Variants in EYS observed in about 807,000 individuals in gnomAD.
EYS encodes protein eyes shut homolog.
A neutral mutation model predicts 282.1 loss-of-function variants in EYS; 250 were observed. The observed-to-expected ratio is 0.89, with a 90% CI of 0.80 to 0.98. The LOEUF (loss-of-function observed/expected upper bound fraction) is 0.98. EYS is among the 50% of genes least tolerant of loss of function. EYS has a pLI of 0.00. For synonymous variants in EYS, 1,355 were observed against 1,282.9 expected, an observed-to-expected ratio of 1.06 and a Z score of -1.20; for missense variants, 4,016 against 3,709.0, an observed-to-expected ratio of 1.08 and a Z score of -2.15.
chr6:65,618,456 C>T (rs1308242198), intron 2 of EYS, among the ~76,000 whole-genome samples: 1 of 152,174 alleles, frequency 6.6e-6, no homozygotes, highest in South Asian at 2.1e-4. Context: ...GATATTAGCC[C>T]TTTGTCAGAT....
intron 35 of EYS, among the ~76,000 whole-genome samples, chr6:63,973,732 T>A (rs1766700272): frequency 6.6e-6 from 1 of 152,186 alleles, no homozygotes; most frequent in Non-Finnish European, 1.5e-5. Context: ...TGGACGGTAC[T>A]TGCTTAAAGC....
At chr6:64,447,902 G>T (rs1775170002) in intron 26 of EYS, among the ~76,000 whole-genome samples, 1 of 152,142 alleles carries the variant, frequency 6.6e-6, no homozygotes, top group South Asian at 2.1e-4. Flanking sequence ...ATTGATTAGG[G>T]AAAAAATTAT....
Position 64,590,410 on chromosome 6 carries a change from A to G in EYS, c.5457T>C (p.Tyr1819=), listed in dbSNP as rs1199375421. ...SMSVIRPDWP[Y]FTDYMTSLKK... Reference sequence around the variant, plus strand: ...TAAGAGAGGTCATATAATCTGTAAAATATGGCCAATCTGGCCTAATTACAG... The same window carrying G: ...TAAGAGAGGTCATATAATCTGTAAAGTATGGCCAATCTGGCCTAATTACAG... Residue 1819 remains tyrosine, a synonymous_variant, in exon 26 of 43, where the codon TAT becomes TAC. Transcript: ENST00000503581. The G allele has an allele frequency of 3.9e-5, 61 of 1,551,296 alleles. No homozygotes were observed. Among genetic ancestry groups the G allele is most frequent in the Non-Finnish European group, 4.9e-5 (56 of 1,146,798 alleles).
At chr6:64,858,827 G>C (rs1766149280) in intron 19 of EYS, among the ~76,000 whole-genome samples, 1 of 152,040 alleles carries the variant, frequency 6.6e-6, no homozygotes, top group South Asian at 2.1e-4. Context: ...AGCATAAAGG[G>C]AATGTACCTC....
chr6:64,810,176 A>G (rs1356180939), intron 22 of EYS, among the ~76,000 whole-genome samples: 2 of 152,086 alleles, frequency 1.3e-5, no homozygotes, highest in African/African-American at 2.4e-5. Flanking sequence ...ACAGAAACGT[A>G]TGACACCACA....
intron 22 of EYS, among the ~76,000 whole-genome samples, chr6:64,768,893 C>T (rs1379569635): frequency 6.6e-6 from 1 of 152,052 alleles, no homozygotes; most frequent in Non-Finnish European, 1.5e-5. Context: ...ACTTGTAGGG[C>T]CATGACAAGG....
chr6:65,452,659 A>C (rs1764448432), intron 5 of EYS, among the ~76,000 whole-genome samples: 1 of 152,064 alleles, frequency 6.6e-6, no homozygotes, highest in African/African-American at 2.4e-5. Context: ...TCCCTAAGGA[A>C]GTTCTCAAAG....
At chr6:64,672,367 C>A (rs1031791505) in intron 22 of EYS, among the ~76,000 whole-genome samples, 15 of 152,184 alleles carry the variant, frequency 9.9e-5, no homozygotes, top group Non-Finnish European at 1.5e-4. Flanking sequence ...CTTTTTTCCC[C>A]TGTCATGAAC....
intron 22 of EYS, among the ~76,000 whole-genome samples, chr6:64,670,380 C>A (rs1172893595): frequency 6.7e-6 from 1 of 149,620 alleles, no homozygotes; most frequent in Non-Finnish European, 1.5e-5. Context: ...GCATTTTTTA[C>A]TTTAACAATA....
At chr6:64,056,794 A>G (rs754133201) in intron 33 of EYS, among the ~76,000 whole-genome samples, 10 of 152,180 alleles carry the variant, frequency 6.6e-5, no homozygotes, top group Non-Finnish European at 1.5e-4. Context: ...ACCAGCCCCT[A>G]TGTAGATCAG....
chr6:65,312,534 T>A (rs910741749), intron 11 of EYS, among the ~76,000 whole-genome samples: 1 of 152,132 alleles, frequency 6.6e-6, no homozygotes, highest in Non-Finnish European at 1.5e-5. Flanking sequence ...CTGCATTCTA[T>A]CCCCTCATCC....
chr6:65,522,225 G>T (rs908621609), intron 2 of EYS, among the ~76,000 whole-genome samples: 1 of 152,084 alleles, frequency 6.6e-6, no homozygotes, highest in African/African-American at 2.4e-5. Context: ...TTGAAAATAA[G>T]ATTCTATATA....
At chr6:64,762,430 G>A (rs938770707) in intron 22 of EYS, among the ~76,000 whole-genome samples, 17 of 152,120 alleles carry the variant, frequency 1.1e-4, no homozygotes, top group Admixed American at 1.1e-3. Flanking sequence ...ACCCAACTTG[G>A]AGCAAATATC....
At chr6:64,541,690 C>A (rs1450706152) in intron 26 of EYS, among the ~76,000 whole-genome samples, 4 of 152,108 alleles carry the variant, frequency 2.6e-5, no homozygotes, top group Non-Finnish European at 4.4e-5. Flanking sequence ...AGGAAAGGTT[C>A]TTTTTCCATT....
chr6:64,713,623 T>C (rs570620394), intron 22 of EYS, among the ~76,000 whole-genome samples: 2 of 152,090 alleles, frequency 1.3e-5, no homozygotes, highest in Non-Finnish European at 2.9e-5. Context: ...TAAAGAACTA[T>C]TTACCTATAA....
At chr6:64,718,784 T>C (rs1363716464) in intron 22 of EYS, among the ~76,000 whole-genome samples, 2 of 152,228 alleles carry the variant, frequency 1.3e-5, no homozygotes, top group South Asian at 2.1e-4. Flanking sequence ...ATTTAGTATA[T>C]GCCATGCAAT....
rs139460904 is a variant in EYS at position 64,129,499 on chromosome 6, T to C, written c.6425-47497A>G. On this transcript the variant is annotated intron_variant, in intron 31 of 42. Transcript: ENST00000503581. ...GTTCTTTGTTTTTTTCTTGTAAATT[T>C]GTTTGAGTTCATTGCAGATTCTGGA... 5.9e-4 allele frequency among the ~76,000 whole-genome samples: 90 copies of C among 152,340 alleles called. No homozygotes were observed. In the East Asian group the frequency reaches 0.015, roughly 25 times the overall value.
At chr6:64,154,426 G>T (rs1387978047) in intron 31 of EYS, among the ~76,000 whole-genome samples, 1 of 141,732 alleles carries the variant, frequency 7.1e-6, no homozygotes, top group African/African-American at 2.7e-5. Flanking sequence ...GGCAATAAGT[G>T]GGAAACTCCG....
chr6:65,063,481 G>A (rs1159222653), intron 12 of EYS, among the ~76,000 whole-genome samples: 1 of 151,948 alleles, frequency 6.6e-6, no homozygotes, highest in Non-Finnish European at 1.5e-5. Context: ...ATAGAGTATG[G>A]TCAGAAAAAT....
Sources: gnomAD v4.1 joint callset for allele counts (sites outside exome capture counted in the v4.1 genomes callset) on GRCh38, gnomAD v4.1.1 for gene constraint, MANE v1.5 for transcripts, NCBI Gene and HGNC (gene_info 2026-07-23, HGNC 2026-07-21) for gene names.